Variants in ELAC2 observed in about 807,000 individuals in gnomAD.
The protein encoded by ELAC2 is elaC ribonuclease Z 2, also known as zinc phosphodiesterase ELAC protein 2.
ELAC2 carries 92 observed loss-of-function variants against 105.2 expected under a neutral mutation model. The observed-to-expected ratio is 0.87, with a 90% CI of 0.74 to 1.04. The LOEUF (loss-of-function observed/expected upper bound fraction) is 1.04, where lower values mean the gene tolerates loss of function less well. Ranked by LOEUF, ELAC2 falls within the 50% of genes least tolerant of loss-of-function variation. The pLI is 0.00. For missense variants in ELAC2, 1,099 were observed against 1,071.7 expected (o/e 1.03, Z -0.36); for synonymous variants, 468 against 409.1 (o/e 1.14, Z -1.74).
intron 22 of ELAC2, among the ~76,000 whole-genome samples, chr17:12,994,216 T>C (rs1023412140): frequency 1.6e-4 from 25 of 152,192 alleles, no homozygotes; most frequent in African/African-American, 5.8e-4. Context: ...TTCAAAAAAC[T>C]GTGCCTCACT....
chr17:12,993,094 G>T (rs372457406), intron 23 of ELAC2, 49 bp from the exon 24 acceptor site: 4 of 1,572,874 alleles, frequency 2.5e-6, no homozygotes, highest in African/African-American at 2.7e-5. Flanking sequence ...GGGCAGGGGT[G>T]GGGGACAGGA....
chr17:13,014,507 A>C lies in ELAC2; in HGVS notation c.433-11T>G. 1 of 1,607,358 alleles carries C rather than the reference A, an allele frequency of 6.2e-7. No individual in the cohort carries two copies. ...TTCGAGGTATTTTTCCTAATGAAAAACAAAGAAATGAGCAGTTATGGTTGA... is the reference window on the plus strand; with the variant it reads ...TTCGAGGTATTTTTCCTAATGAAAACCAAAGAAATGAGCAGTTATGGTTGA... On this transcript the variant is annotated splice_polypyrimidine_tract_variant and intron_variant, in intron 4 of 23. Coordinates refer to ENST00000338034, the MANE Select transcript of ELAC2 (RefSeq NM_018127.7).
chr17:12,992,589 C>T lies in ELAC2; in HGVS notation c.*229G>A, dbSNP rs1239567183. ...TGAAATTAGTTCATCTGCTTGCTTCCGTGTGGCAGCCTCCTGGCCCGCGGC... is the reference window on the plus strand; with the variant it reads ...TGAAATTAGTTCATCTGCTTGCTTCTGTGTGGCAGCCTCCTGGCCCGCGGC... On this transcript the variant is annotated 3_prime_UTR_variant, in exon 24 of 24. Transcript: ENST00000338034. 14 of 579,064 alleles carry T rather than the reference C, an allele frequency of 2.4e-5. No individual in the cohort carries two copies. The highest frequency in any genetic ancestry group is 1.5e-4 in the African/African-American group (8 of 53,510). The allele number at this position is 579,064 out of a possible 1,614,324, so 35.9% of individuals were successfully genotyped here.
chr17:13,010,359 C>A (rs1478118828), intron 8 of ELAC2, among the ~76,000 whole-genome samples: 4 of 152,128 alleles, frequency 2.6e-5, no homozygotes, highest in Admixed American at 2.6e-4. Flanking sequence ...TTAGTACAGA[C>A]AGGGTTTCAC....
intron 10 of ELAC2, 86 bp from the exon 11 acceptor site, chr17:13,005,187 T>C: frequency 2.2e-6 from 2 of 922,652 alleles, no homozygotes; most frequent in South Asian, 1.3e-5. Flanking sequence ...TAACATGACA[T>C]ATCCTATCCA....
chr17:12,994,933 C>T lies in ELAC2; in HGVS notation c.1908+30G>A, dbSNP rs187739989. On this transcript the variant is annotated intron_variant, in intron 20 of 23. Transcript: ENST00000338034. ...TCTGCAGCTCTGCTCCCCACCTCGC[C>T]CCCATGATGCCTGCGGCTGTGCCCC... The T allele has an allele frequency of 1.1e-4, 175 of 1,614,094 alleles. No individual in the cohort carries two copies. The African/African-American group carries it at 2.2e-3, about 21-fold the overall frequency.
In ELAC2 at chr17:13,003,464, G is replaced by C; in HGVS notation, c.1079+15C>G. 6.2e-7 allele frequency: 1 copy of C among 1,613,090 alleles called. No individual in the cohort carries two copies. The highest frequency in any genetic ancestry group is 8.5e-7 in the Non-Finnish European group (1 of 1,179,042). ...AGAAGAGTTACCCCAAGTGCCGCTGGGCTGGGCTCCATACCTCTCCATCCA... is the reference window on the plus strand; with the variant it reads ...AGAAGAGTTACCCCAAGTGCCGCTGCGCTGGGCTCCATACCTCTCCATCCA... On this transcript the variant is annotated intron_variant, in intron 12 of 23. Transcript: ENST00000338034.
intron 6 of ELAC2, 75 bp from the exon 7 acceptor site, chr17:13,011,857 T>A: frequency 6.2e-7 from 1 of 1,610,810 alleles, no homozygotes; most frequent in Non-Finnish European, 8.5e-7. Context: ...CGTTCATACA[T>A]GGGAATGCCA....
intron 17 of ELAC2, 119 bp downstream of exon 17, chr17:12,996,428 A>C: frequency 6.8e-7 from 1 of 1,473,014 alleles, no homozygotes; most frequent in Non-Finnish European, 9.4e-7. Context: ...CTAGCCAGAG[A>C]TGAGTAACAA....
chr17:13,002,605 G>A lies in ELAC2; in HGVS notation c.1080-26C>T, dbSNP rs750002930. On this transcript the variant is annotated intron_variant, in intron 12 of 23. Transcript: ENST00000338034. ...CTGTGAAGAAACAGACCCGGCATTT[G>A]CAGCGTCTGTTAGGAGGCAGCTCCC... The A allele has an allele frequency of 1.9e-6, 3 of 1,581,456 alleles. No individual in the cohort carries two copies. In the South Asian group the frequency reaches 3.4e-5, roughly 18 times the overall value.
rs536536019 is a variant in ELAC2 at position 13,014,793 on chromosome 17, A to C, written c.433-297T>G. Reference sequence around the variant, plus strand: ...TAAGTGCTCTGCAAGGAAAATGAAAAATACAGAAGGCTGGGATCCAACTTG... The same window carrying C: ...TAAGTGCTCTGCAAGGAAAATGAAACATACAGAAGGCTGGGATCCAACTTG... On this transcript the variant is annotated intron_variant, in intron 4 of 23. Transcript: ENST00000338034. Among the ~76,000 whole-genome samples, 5 of 152,350 alleles carry C rather than the reference A, an allele frequency of 3.3e-5. No individual in the cohort carries two copies. In the South Asian group the frequency reaches 1.0e-3, roughly 32 times the overall value.
chr17:12,995,879 G>C (rs1219399072), intron 18 of ELAC2, 61 bp downstream of exon 18: 1 of 1,584,314 alleles, frequency 6.3e-7, no homozygotes, highest in African/African-American at 1.3e-5. Context: ...AGTGCCAAGA[G>C]GCATGGCGGA....
Position 12,992,122 on chromosome 17 carries a change from ATTGATT to A in ELAC2, c.*690_*695del, listed in dbSNP as rs1262612589. ...CACCAGCCCAGCCAGGCTCTCACTG[ATTGATT>A]TGATTGATTGATTGATTGATTGATA... On this transcript the variant is annotated 3_prime_UTR_variant, in exon 24 of 24. Transcript: ENST00000338034. Among the ~76,000 whole-genome samples, 1 of 137,404 alleles carries A rather than the reference ATTGATT, an allele frequency of 7.3e-6. No individual in the cohort carries two copies. The highest frequency in any genetic ancestry group is 1.6e-5 in the Non-Finnish European group (1 of 61,190). The allele number at this position is 137,404 out of a possible 152,430, so 90.1% of individuals were successfully genotyped here. A position where few individuals can be genotyped will look rare whatever the true frequency, so the allele number is the denominator to read the frequency against.
At chr17:12,998,229 A>C (rs2040570238) in intron 16 of ELAC2, among the ~76,000 whole-genome samples, 183 bp downstream of exon 16, 1 of 151,690 alleles carries the variant, frequency 6.6e-6, no homozygotes, top group Non-Finnish European at 1.5e-5. Context: ...TCCCAGGGTA[A>C]AGTTTGCTAC....
rs1299982871 is a variant in ELAC2 at position 13,017,879 on chromosome 17, C to A, written c.69G>T (p.Ser23=). 7.8e-6 allele frequency: 12 copies of A among 1,546,670 alleles called. No individual in the cohort carries two copies. The highest frequency in any genetic ancestry group is 8.7e-6 in the Non-Finnish European group (10 of 1,148,034). Reference sequence around the variant, plus strand: ...GCCGCTCGCGGCGGGCGGGTGCCTGCGATATGGTGCGTCCCTGCGACATGG... The same window carrying A: ...GCCGCTCGCGGCGGGCGGGTGCCTGAGATATGGTGCGTCCCTGCGACATGG... ...GRTMSQGRTI[S]QAPARRERPR... Residue 23 remains serine, a synonymous_variant, in exon 1 of 24, where the codon TCG becomes TCT. Transcript: ENST00000338034.
Position 12,996,600 on chromosome 17 carries a change from G to A in ELAC2, c.1606C>T (p.Leu536=). The A allele has an allele frequency of 6.2e-7, 1 of 1,614,066 alleles. No individual in the cohort carries two copies. Among genetic ancestry groups the A allele is most frequent in the Non-Finnish European group, 8.5e-7 (1 of 1,180,030 alleles). The part of the protein sequence containing the change: ...RHYGDQVDRV[L]GTLAAVFVSH... ...ACAAACACAGCAGCCAGGGTGCCCAGGACCCTGTCCACCTGGTCTCCGTAA... is the reference window on the plus strand; with the variant it reads ...ACAAACACAGCAGCCAGGGTGCCCAAGACCCTGTCCACCTGGTCTCCGTAA... Residue 536 remains leucine (L), a synonymous_variant, in exon 17 of 24, where the codon CTG becomes TTG. Coordinates refer to ENST00000338034, the MANE Select transcript of ELAC2 (RefSeq NM_018127.7).
At chr17:13,017,600 C>G in intron 1 of ELAC2, 103 bp downstream of exon 1, 1 of 1,579,398 alleles carries the variant, frequency 6.3e-7, no homozygotes, top group Non-Finnish European at 8.6e-7. Context: ...CAGTGAACCA[C>G]ATGTGTGAAG....
Position 12,993,823 on chromosome 17 carries a change from G to A in ELAC2, c.2117C>T (p.Ser706Phe). The part of the protein sequence containing the change: ...EAVEKTHSTT[S>F]QAISVGMRMN... ...CCGCATCCCCACGCTGATGGCTTGG[G>A]ACGTTGTGCTGCAGGTGAAGGACAG... The change falls in exon 23 of 24, where the codon TCC (serine) becomes TTC (phenylalanine). Residue 706 changes from serine to phenylalanine, a missense_variant. Physicochemically the swap from Ser to Phe is radical, Grantham distance 155. Coordinates refer to ENST00000338034, the MANE Select transcript of ELAC2 (RefSeq NM_018127.7). The A allele has an allele frequency of 6.2e-7, 1 of 1,614,188 alleles. No homozygotes were observed.
intron 6 of ELAC2, 123 bp from the exon 7 acceptor site, chr17:13,011,905 T>C (rs765454441): frequency 5.4e-6 from 8 of 1,471,848 alleles, no homozygotes; most frequent in Non-Finnish European, 1.9e-6. Flanking sequence ...TACTATACAG[T>C]AGGAAATAAC....
Sources: allele counts gnomAD v4.1 joint callset (sites outside exome capture counted in the v4.1 genomes callset), GRCh38; gene constraint gnomAD v4.1.1; transcripts MANE v1.5; gene names NCBI Gene and HGNC (gene_info 2026-07-23, HGNC 2026-07-21).